The following DPP6 variants were observed in gnomAD, a reference collection of about 807,000 sequenced individuals.
DPP6 encodes the protein A-type potassium channel modulatory protein DPP6.
In DPP6, 69 loss-of-function variants were observed where a neutral mutation model predicts 122.6. The ratio of observed to expected loss-of-function variants is 0.56; its 90% CI spans 0.46 to 0.69. DPP6 has a LOEUF of 0.69. DPP6 is among the 30% of genes least tolerant of loss of function. The probability of loss-of-function intolerance (pLI) is 0.00; values close to 1 mark genes in which losing one functional copy is unlikely to be tolerated. For missense variants in DPP6, 928 were observed against 1,116.9 expected, an observed-to-expected ratio of 0.83 and a Z score of 2.41; for synonymous variants, 418 against 433.1, an observed-to-expected ratio of 0.97 and a Z score of 0.43.
chr7:154,062,566 G>C (rs1195676489), intron 1 of DPP6, among the ~76,000 whole-genome samples: 4 of 10,466 alleles, frequency 3.8e-4, no homozygotes, highest in African/African-American at 1.7e-3. Context: ...CCCATCGCAG[G>C]GGGGGGAGGC....
chr7:154,613,619 C>CAAA lies in DPP6; in HGVS notation c.628-24170_628-24168dup, dbSNP rs749561005. Among the ~76,000 whole-genome samples the CAAA allele has an allele frequency of 7.1e-4, 37 of 51,826 alleles. 3 individuals are homozygous for CAAA. Among genetic ancestry groups the CAAA allele is most frequent in the African/African-American group, 3.4e-3 (37 of 10,926 alleles). 34.0% of individuals were successfully genotyped at this position (51,826 alleles called of 152,430 possible). ...GGGCAACAAGAGCGAGACTCTGTCT[C>CAAA]AAAAAAAAAAAAAAAAAAAAAAAAA... On this transcript the variant is annotated intron_variant, in intron 5 of 25. Transcript: ENST00000377770.
rs368219309 is a variant in DPP6 at position 154,883,204 on chromosome 7, TACAC to T, written c.2133+2268_2133+2271del. Among the ~76,000 whole-genome samples, 223 of 122,994 alleles carry T rather than the reference TACAC, an allele frequency of 1.8e-3. 8 individuals are homozygous for T. The highest frequency in any genetic ancestry group is 5.4e-3 in the African/African-American group (169 of 31,490). The allele number at this position is 122,994 out of a possible 152,430, so 80.7% of individuals were successfully genotyped here. On this transcript the variant is annotated intron_variant, in intron 21 of 25. Coordinates refer to ENST00000377770, the MANE Select transcript of DPP6 (RefSeq NM_130797.4). Reference sequence around the variant, plus strand: ...AAATGCTCACATACACGCTCACACATACACACACATGCTCACCCACACAATGCTC... The same window carrying T: ...AAATGCTCACATACACGCTCACACATACACATGCTCACCCACACAATGCTC...
Position 154,052,883 on chromosome 7 carries a change from C to T in DPP6, c.63C>T (p.Pro21=), listed in dbSNP as rs1585235426. The change falls in exon 1 of 26, where the codon CCC becomes CCT. Residue 21 remains proline, a synonymous_variant. Transcript: ENST00000377770. This position sits in a 1 kb window ranked among gnomAD's most constrained non-coding sequence, Gnocchi z 4.8. ...ACACCTCGAGGTCCTTCCCCGCGCC[C>T]CCGGAGGCGAGTCACCTCCTGGGCG... ...KINTSRSFPA[P]PEASHLLGGQ... 6.5e-7 allele frequency: 1 copy of T among 1,533,028 alleles called. No individual in the cohort carries two copies. The highest frequency in any genetic ancestry group is 1.4e-5 in the African/African-American group (1 of 72,124). The allele number at this position is 1,533,028 out of a possible 1,614,324, so 95.0% of individuals were successfully genotyped here. A position where few individuals can be genotyped will look rare whatever the true frequency, so the allele number is the denominator to read the frequency against.
At chr7:153,784,455 G>A in the DPP6 span, among the ~76,000 whole-genome samples, 3 of 152,140 alleles carry the variant, frequency 2.0e-5, no homozygotes. Context: ...TCATTGCAAA[G>A]AATTAAATTG....
chr7:153,752,267 T>C, the DPP6 span, among the ~76,000 whole-genome samples: 2 of 151,126 alleles, frequency 1.3e-5, no homozygotes, highest in African/African-American at 4.9e-5. Context: ...TTTTTTTTTT[T>C]TGAGACCGAG....
At chr7:154,782,002 A>C (rs974361675) in intron 10 of DPP6, among the ~76,000 whole-genome samples, 1 of 152,214 alleles carries the variant, frequency 6.6e-6, no homozygotes, top group Non-Finnish European at 1.5e-5. Flanking sequence ...ATTTGAAGGC[A>C]CCTTTGGCCT....
intron 7 of DPP6, among the ~76,000 whole-genome samples, chr7:154,715,705 C>T (rs568880545): frequency 6.6e-6 from 1 of 152,308 alleles, no homozygotes; most frequent in South Asian, 2.1e-4. Flanking sequence ...CAGCTGTACG[C>T]TTTGCTCAAG....
In DPP6 at chr7:154,558,475, A is replaced by G. The variant is rs1320747694; in HGVS notation, c.553-8367A>G. 3.3e-5 allele frequency among the ~76,000 whole-genome samples: 5 copies of G among 152,246 alleles called. No homozygotes were observed. The East Asian group carries it at 9.6e-4, about 29-fold the overall frequency. On this transcript the variant is annotated intron_variant, in intron 4 of 25. Coordinates refer to ENST00000377770, the MANE Select transcript of DPP6 (RefSeq NM_130797.4). ...GATGAGGTTCAATTAGCACTCAAAT[A>G]TAGTCATGTGTCACATAATGGCATC...
At chr7:154,694,476 G>A (rs1840102416) in intron 7 of DPP6, among the ~76,000 whole-genome samples, 3 of 152,156 alleles carry the variant, frequency 2.0e-5, no homozygotes, top group Admixed American at 2.0e-4. Flanking sequence ...GCCAGGCATG[G>A]TGGCGGGTGC....
intron 1 of DPP6, among the ~76,000 whole-genome samples, chr7:154,258,146 G>A (rs1233664875): frequency 7.4e-6 from 1 of 135,400 alleles, no homozygotes; most frequent in African/African-American, 2.7e-5. Flanking sequence ...GAGGGGAGGG[G>A]AGGCGAGGGG....
intron 5 of DPP6, among the ~76,000 whole-genome samples, chr7:154,574,065 T>C (rs1404757372): frequency 1.3e-5 from 2 of 152,278 alleles, no homozygotes; most frequent in African/African-American, 4.8e-5. Context: ...TTTTTTATTT[T>C]TATTTTTACT....
the DPP6 span, among the ~76,000 whole-genome samples, chr7:153,837,963 C>CT: frequency 1.3e-5 from 2 of 151,102 alleles, no homozygotes; most frequent in Non-Finnish European, 2.9e-5. Context: ...TGTGAGCCAC[C>CT]ATACCTCTTT....
chr7:154,610,015 C>A (rs2130802324), intron 5 of DPP6, among the ~76,000 whole-genome samples: 1 of 152,254 alleles, frequency 6.6e-6, no homozygotes, highest in South Asian at 2.1e-4. Flanking sequence ...TCATTTATTC[C>A]TTTGGTTAAT....
chr7:154,809,478 A>G (rs1050438516), intron 16 of DPP6, among the ~76,000 whole-genome samples: 1 of 152,220 alleles, frequency 6.6e-6, no homozygotes, highest in African/African-American at 2.4e-5. Context: ...ATCTTTTGTT[A>G]AAGAAAGAAT....
chr7:154,647,519 G>T (rs1836561997), intron 6 of DPP6, among the ~76,000 whole-genome samples: 1 of 152,170 alleles, frequency 6.6e-6, no homozygotes, highest in South Asian at 2.1e-4. Flanking sequence ...ATGAAGCAGA[G>T]CCGGCTCTTC....
intron 1 of DPP6, among the ~76,000 whole-genome samples, chr7:153,899,384 A>T (rs1461571296): frequency 1.3e-5 from 2 of 152,208 alleles, no homozygotes. Context: ...GGCTGAAGGA[A>T]ATCATTCATT....
intron 1 of DPP6, among the ~76,000 whole-genome samples, chr7:154,361,603 C>CAAAAAA (rs34342809): frequency 2.6e-4 from 15 of 57,900 alleles, no homozygotes; most frequent in East Asian, 6.5e-4. Context: ...AATTGCTAGC[C>CAAAAAA]AAAAAAAAAA....
chr7:153,902,632 C>T lies in DPP6; in HGVS notation c.51+14898C>T, dbSNP rs546900519. Among the ~76,000 whole-genome samples the T allele has an allele frequency of 5.9e-5, 9 of 152,040 alleles. No homozygotes were observed. The South Asian group carries it at 1.2e-3, about 21-fold the overall frequency. ...GGTGGATCACCTGAGGTCAGGAGTT[C>T]GAGACCAGCCTGGCCAACATGGTGA... On this transcript the variant is annotated intron_variant, in intron 1 of 25. Transcript: ENST00000404039.
chr7:153,868,226 G>A, the DPP6 span, among the ~76,000 whole-genome samples: 1 of 152,102 alleles, frequency 6.6e-6, no homozygotes, highest in African/African-American at 2.4e-5. Flanking sequence ...AGAAGGAATG[G>A]TACCAGCTCC....
Sources: allele counts gnomAD v4.1 joint callset (sites outside exome capture counted in the v4.1 genomes callset), GRCh38; gene constraint gnomAD v4.1.1; non-coding constraint Gnocchi (gnomAD v3.1); transcripts MANE v1.5; gene names NCBI Gene and HGNC (gene_info 2026-07-23, HGNC 2026-07-21).